The following SHISA6 variants were observed in gnomAD, a reference collection of about 807,000 sequenced individuals.
The protein encoded by SHISA6 is protein shisa-6.
Under a neutral mutation model 47.9 loss-of-function variants are expected in SHISA6, and 22 were observed. The ratio of observed to expected loss-of-function variants is 0.46; its 90% confidence interval spans 0.33 to 0.66. The LOEUF (loss-of-function observed/expected upper bound fraction) is 0.66. Among genes scored for constraint, SHISA6 ranks in the 30% least tolerant of loss-of-function variants. The probability of loss-of-function intolerance (pLI) is 0.02; values close to 1 mark genes in which losing one functional copy is unlikely to be tolerated. For synonymous variants in SHISA6, 388 were observed against 337.8 expected (o/e 1.15, Z -1.63); for missense variants, 680 against 764.6 (o/e 0.89, Z 1.30).
chr17:11,346,124 C>A (rs1049702518), intron 2 of SHISA6, among the ~76,000 whole-genome samples: 1 of 152,100 alleles, frequency 6.6e-6, no homozygotes, highest in African/African-American at 2.4e-5. Flanking sequence ...ATGTTCCCAT[C>A]TGTCTCTAGT....
At position 11,426,755 on chromosome 17, in the gene SHISA6, G is replaced by A. The variant is rs150953339; in HGVS notation, c.895+47246G>A. Reference sequence around the variant, plus strand: ...AATATTTGTTGGATGCGACTCTCACGGTGTTAAATAATTCTGGAAGTTGCG... The same window carrying A: ...AATATTTGTTGGATGCGACTCTCACAGTGTTAAATAATTCTGGAAGTTGCG... On this transcript the variant is annotated intron_variant, in intron 3 of 5. Transcript: ENST00000441885. Among the ~76,000 whole-genome samples the A allele has an allele frequency of 2.2e-4, 33 of 152,200 alleles. No homozygotes were observed. The East Asian group carries it at 4.2e-3, about 20-fold the overall frequency.
At chr17:11,474,580 C>T (rs1916009960) in intron 3 of SHISA6, among the ~76,000 whole-genome samples, 1 of 151,984 alleles carries the variant, frequency 6.6e-6, no homozygotes. Flanking sequence ...CATTGTATTA[C>T]CTTTGCTTCT....
intron 1 of SHISA6, among the ~76,000 whole-genome samples, chr17:11,263,159 T>C (rs911482973): frequency 1.9e-4 from 29 of 152,340 alleles, no homozygotes; most frequent in African/African-American, 6.7e-4. Context: ...CCCAGCCTTT[T>C]AGTCTGTACC....
chr17:11,343,297 C>G (rs146202437), intron 2 of SHISA6, among the ~76,000 whole-genome samples: 84 of 152,252 alleles, frequency 5.5e-4, no homozygotes, highest in African/African-American at 2.0e-3. Context: ...AAACTGATGT[C>G]ATCGGTTTAA....
chr17:11,277,241 T>TTCTCTCTCTCTCTCTC (rs139388009), intron 2 of SHISA6, among the ~76,000 whole-genome samples: 27 of 78,144 alleles, frequency 3.5e-4, no homozygotes, highest in African/African-American at 7.0e-4. Flanking sequence ...CGGTTTCTCT[T>TTCTCTCTCTCTCTCTC]TCTCTCTCTC....
intron 2 of SHISA6, among the ~76,000 whole-genome samples, chr17:11,349,204 A>G (rs1911791561): frequency 2.0e-5 from 3 of 152,202 alleles, no homozygotes; most frequent in African/African-American, 7.2e-5. Flanking sequence ...TAAATTTACC[A>G]TTCCATTTCG....
At chr17:11,314,090 C>T (rs1057366065) in intron 2 of SHISA6, among the ~76,000 whole-genome samples, 9 of 152,158 alleles carry the variant, frequency 5.9e-5, no homozygotes, top group Non-Finnish European at 1.2e-4. Context: ...CTGTTACTGA[C>T]AGCCCTGTGG....
At chr17:11,425,342 A>T (rs1914582312) in intron 3 of SHISA6, among the ~76,000 whole-genome samples, 1 of 151,966 alleles carries the variant, frequency 6.6e-6, no homozygotes, top group Non-Finnish European at 1.5e-5. Context: ...GCCAATCTAG[A>T]TCATGCTCCC....
intron 2 of SHISA6, among the ~76,000 whole-genome samples, chr17:11,377,285 A>T (rs1165145342): frequency 6.6e-6 from 1 of 152,154 alleles, no homozygotes; most frequent in African/African-American, 2.4e-5. Flanking sequence ...TCTGTTCTAT[A>T]AAAGTGAGGG....
At chr17:11,420,861 G>C (rs1370148202) in intron 3 of SHISA6, among the ~76,000 whole-genome samples, 1 of 152,110 alleles carries the variant, frequency 6.6e-6, no homozygotes, top group Non-Finnish European at 1.5e-5. Context: ...ATTGACAGAG[G>C]GTATGTTTGA....
chr17:11,563,956 C>T lies in SHISA6; in HGVS notation c.*5652C>T, dbSNP rs2072069250. On this transcript the variant is annotated 3_prime_UTR_variant, in exon 6 of 6. Coordinates refer to ENST00000441885, the MANE Select transcript of SHISA6 (RefSeq NM_207386.4). ...TACTTACCTGTCAAAGCACATTCTACATGTACTGTAAACAGATACACTTTA... is the reference window on the plus strand; with the variant it reads ...TACTTACCTGTCAAAGCACATTCTATATGTACTGTAAACAGATACACTTTA... 1 of 152,190 alleles carries T rather than the reference C, an allele frequency of 6.6e-6. No homozygotes were observed. The allele number at this position is 152,190 out of a possible 1,614,324, so 9.4% of individuals were successfully genotyped here. A position where few individuals can be genotyped will look rare whatever the true frequency, so the allele number is the denominator to read the frequency against.
In SHISA6 at chr17:11,241,452, G is replaced by C. The variant is rs903234203; in HGVS notation, c.30G>C (p.Leu10=). 28 of 1,206,698 alleles carry C rather than the reference G, an allele frequency of 2.3e-5. No homozygotes were observed. The highest frequency in any genetic ancestry group is 3.5e-4 in the Middle Eastern group (1 of 2,844). 74.7% of individuals were successfully genotyped at this position (1,206,698 alleles called of 1,614,324 possible). A position where few individuals can be genotyped will look rare whatever the true frequency, so the allele number is the denominator to read the frequency against. The change falls in exon 1 of 6, where the codon CTG becomes CTC. Residue 10 remains leucine, a synonymous_variant. Transcript: ENST00000441885. The surrounding 1 kb of genome is among the most constrained non-coding windows in gnomAD (Gnocchi z 5.5). ...CGCTGCGGCGCCTCCTGCTGCTGCTGCTGCTCTCGCTGGAGTCCCTGGACC... is the reference window on the plus strand; with the variant it reads ...CGCTGCGGCGCCTCCTGCTGCTGCTCCTGCTCTCGCTGGAGTCCCTGGACC... The part of the protein sequence containing the change: MALRRLLLL[L]LLSLESLDLL...
intron 2 of SHISA6, among the ~76,000 whole-genome samples, chr17:11,263,792 C>T (rs1052339247): frequency 1.3e-5 from 2 of 152,112 alleles, no homozygotes; most frequent in East Asian, 1.9e-4. Flanking sequence ...ATTCTCTTAC[C>T]GGAAAAGGAG....
At chr17:11,373,428 G>A (rs908507808) in intron 2 of SHISA6, among the ~76,000 whole-genome samples, 2 of 152,008 alleles carry the variant, frequency 1.3e-5, no homozygotes, top group Non-Finnish European at 2.9e-5. Flanking sequence ...TAATTGTCAA[G>A]CAAGTCTCCA....
chr17:11,511,587 G>A (rs1307727855), intron 3 of SHISA6, among the ~76,000 whole-genome samples: 2 of 148,836 alleles, frequency 1.3e-5, no homozygotes, highest in African/African-American at 2.5e-5. Context: ...CCAAAAAAAT[G>A]CCTGGTTCAG....
intron 3 of SHISA6, among the ~76,000 whole-genome samples, chr17:11,479,648 A>T (rs1436455634): frequency 6.6e-6 from 1 of 152,086 alleles, no homozygotes; most frequent in Non-Finnish European, 1.5e-5. Context: ...AAAAAGAAGA[A>T]AAAATAATAA....
chr17:11,455,936 G>T (rs941556254), intron 3 of SHISA6, among the ~76,000 whole-genome samples: 8 of 152,088 alleles, frequency 5.3e-5, no homozygotes, highest in African/African-American at 1.9e-4. Context: ...TTCTTCTAGG[G>T]TGCGTGAAGG....
At chr17:11,270,110 G>A (rs1031443144) in intron 2 of SHISA6, among the ~76,000 whole-genome samples, 6 of 152,004 alleles carry the variant, frequency 3.9e-5, no homozygotes, top group African/African-American at 1.5e-4. Flanking sequence ...TGAGTAGCTG[G>A]GATTACAGGT....
intron 2 of SHISA6, among the ~76,000 whole-genome samples, chr17:11,297,484 A>G (rs151315939): frequency 3.4e-4 from 52 of 152,252 alleles, no homozygotes; most frequent in African/African-American, 1.1e-3. Flanking sequence ...CCAGGACAAT[A>G]TAACCCTGCA....
Sources: gnomAD v4.1 joint callset for allele counts (sites outside exome capture counted in the v4.1 genomes callset) on GRCh38, gnomAD v4.1.1 for gene constraint, Gnocchi (gnomAD v3.1) non-coding constraint, MANE v1.5 for transcripts, NCBI Gene and HGNC (gene_info 2026-07-23, HGNC 2026-07-21) for gene names.